The following PRKCA variants were observed in gnomAD, a reference collection of about 807,000 sequenced individuals.
PRKCA encodes the protein protein kinase C alpha.
PRKCA carries 27 observed loss-of-function variants against 87.0 expected under a neutral mutation model. That is an observed-to-expected ratio of 0.31 (90% CI 0.23 to 0.43). The LOEUF (loss-of-function observed/expected upper bound fraction) is 0.43, where lower values mean the gene tolerates loss of function less well. Ranked by LOEUF, PRKCA falls within the 20% of genes least tolerant of loss-of-function variation. The pLI is 1.00. For synonymous variants in PRKCA, 329 were observed against 311.1 expected (o/e 1.06, Z -0.61); for missense variants, 518 against 852.3 (o/e 0.61, Z 4.88).
chr17:66,729,019 C>G (rs1171747368), intron 8 of PRKCA, among the ~76,000 whole-genome samples: 1 of 152,236 alleles, frequency 6.6e-6, no homozygotes, highest in Non-Finnish European at 1.5e-5. Context: ...GTGCCTCTTT[C>G]TGGTAACTTT....
intron 2 of PRKCA, among the ~76,000 whole-genome samples, chr17:66,487,676 G>A (rs1916044486): frequency 6.6e-6 from 1 of 152,102 alleles, no homozygotes; most frequent in African/African-American, 2.4e-5. Flanking sequence ...ATCCCCACCA[G>A]TATCTGTTCT....
intron 3 of PRKCA, among the ~76,000 whole-genome samples, chr17:66,633,584 G>A (rs1164049680): frequency 1.3e-5 from 2 of 152,102 alleles, no homozygotes; most frequent in Non-Finnish European, 2.9e-5. Flanking sequence ...AGCTTCTGTT[G>A]GTTAAAAACA....
At chr17:66,787,009 C>T (rs1185208988) in intron 15 of PRKCA, 35 bp downstream of exon 15, 1 of 1,424,232 alleles carries the variant, frequency 7.0e-7, no homozygotes, top group Non-Finnish European at 9.9e-7. Flanking sequence ...TGATCATGGA[C>T]CAAGAGCTTT....
At chr17:66,723,720 T>A (rs528063120) in intron 8 of PRKCA, among the ~76,000 whole-genome samples, 11 of 152,142 alleles carry the variant, frequency 7.2e-5, no homozygotes, top group South Asian at 2.1e-4. Flanking sequence ...AAGGATACCT[T>A]ATTTCACCTT....
chr17:66,771,803 C>T (rs553972882), intron 13 of PRKCA, among the ~76,000 whole-genome samples: 78 of 152,232 alleles, frequency 5.1e-4, no homozygotes, highest in African/African-American at 1.7e-3. Flanking sequence ...ACCATGTTGT[C>T]CAGGATGGTC....
At chr17:66,795,000 C>T (rs574277341) in intron 16 of PRKCA, among the ~76,000 whole-genome samples, 44 of 152,092 alleles carry the variant, frequency 2.9e-4, no homozygotes, top group African/African-American at 8.2e-4. Flanking sequence ...CGGTTTTTGC[C>T]GTTACTTTTC....
At chr17:66,741,510 G>A (rs61761470) in intron 11 of PRKCA, 149 bp from the exon 12 acceptor site, 12 of 697,140 alleles carry the variant, frequency 1.7e-5, no homozygotes, top group African/African-American at 9.1e-5. Flanking sequence ...ATGGAGGGAG[G>A]ACCGGGGGTT....
At chr17:66,707,427 T>C (rs1268186814) in intron 8 of PRKCA, among the ~76,000 whole-genome samples, 2 of 151,996 alleles carry the variant, frequency 1.3e-5, no homozygotes, top group Non-Finnish European at 2.9e-5. Context: ...CAGAGGAAGG[T>C]GTCTGAGCCA....
At chr17:66,362,838 G>A (rs1407769629) in intron 2 of PRKCA, among the ~76,000 whole-genome samples, 3 of 152,256 alleles carry the variant, frequency 2.0e-5, no homozygotes, top group South Asian at 4.1e-4. Context: ...GGGATTACAG[G>A]CATGTGCCGC....
intron 3 of PRKCA, among the ~76,000 whole-genome samples, chr17:66,560,336 A>G (rs1376959069): frequency 6.6e-6 from 1 of 152,238 alleles, no homozygotes; most frequent in Non-Finnish European, 1.5e-5. Flanking sequence ...TAAAATGTAA[A>G]TACAAACTGA....
At chr17:66,335,165 G>A (rs1906580321) in intron 2 of PRKCA, among the ~76,000 whole-genome samples, 2 of 152,098 alleles carry the variant, frequency 1.3e-5, no homozygotes, top group Non-Finnish European at 2.9e-5. Context: ...GTCTCACTCT[G>A]TCACCCAGGC....
chr17:66,578,154 AC>A (rs377149263), intron 3 of PRKCA, among the ~76,000 whole-genome samples: 7 of 151,406 alleles, frequency 4.6e-5, no homozygotes, highest in Non-Finnish European at 7.4e-5. Context: ...ACAAAACAAA[AC>A]AAAACAGCCC....
intron 2 of PRKCA, chr17:66,415,802 A>G (rs1291319017): frequency 6.6e-6 from 1 of 152,240 alleles, no homozygotes; most frequent in Non-Finnish European, 1.5e-5. Context: ...AATGGGGATA[A>G]CAACAGTGCC....
chr17:66,380,087 A>C (rs573289113), intron 2 of PRKCA, among the ~76,000 whole-genome samples: 1 of 152,302 alleles, frequency 6.6e-6, no homozygotes, highest in East Asian at 1.9e-4. Context: ...TTTTGCTCTG[A>C]AATTGAGCTG....
chr17:66,315,070 C>T (rs1905249593), intron 2 of PRKCA, among the ~76,000 whole-genome samples: 2 of 151,844 alleles, frequency 1.3e-5, no homozygotes, highest in Admixed American at 6.6e-5. Context: ...CACACAAGTT[C>T]GTGTGTGGTT....
At chr17:66,306,035 TA>T in intron 1 of PRKCA, 60 bp from the exon 2 acceptor site, 1 of 1,527,964 alleles carries the variant, frequency 6.5e-7, no homozygotes, top group Non-Finnish European at 9.1e-7. Flanking sequence ...ATAACTTGTT[TA>T]AAATATGCTA....
chr17:66,513,922 G>T (rs1400466740), intron 3 of PRKCA, among the ~76,000 whole-genome samples: 6 of 152,080 alleles, frequency 3.9e-5, no homozygotes, highest in Non-Finnish European at 8.8e-5. Flanking sequence ...TTTCTTTTTG[G>T]ATTTAATCTT....
intron 2 of PRKCA, among the ~76,000 whole-genome samples, chr17:66,431,356 A>G (rs1339013439): frequency 6.6e-6 from 1 of 152,202 alleles, no homozygotes; most frequent in Non-Finnish European, 1.5e-5. Context: ...AGTCATGGAA[A>G]TGAATTCATC....
At chr17:66,767,848 C>T (rs760809468) in intron 13 of PRKCA, among the ~76,000 whole-genome samples, 1 of 152,146 alleles carries the variant, frequency 6.6e-6, no homozygotes, top group South Asian at 2.1e-4. Context: ...TAGGGGAGCA[C>T]ATGGGCTGTT....
Sources: gnomAD v4.1 joint callset for allele counts (sites outside exome capture counted in the v4.1 genomes callset) on GRCh38, gnomAD v4.1.1 for gene constraint, MANE v1.5 for transcripts, NCBI Gene and HGNC (gene_info 2026-07-23, HGNC 2026-07-21) for gene names.